SMC5: variants seen among roughly 807,000 people sequenced by gnomAD.
The protein encoded by SMC5 is structural maintenance of chromosomes 5.
A neutral mutation model predicts 148.3 loss-of-function variants in SMC5; 88 were observed. That is an observed-to-expected ratio of 0.59 (90% CI 0.50 to 0.71). The LOEUF (loss-of-function observed/expected upper bound fraction) is 0.71, where lower values mean the gene tolerates loss of function less well. SMC5 is among the 30% of genes least tolerant of loss of function. SMC5 has a pLI of 0.00. For synonymous variants in SMC5, 421 were observed against 432.8 expected, an observed-to-expected ratio of 0.97 and a Z score of 0.34; for missense variants, 1,142 against 1,298.9, an observed-to-expected ratio of 0.88 and a Z score of 1.86.
Position 70,347,691 on chromosome 9 carries a change from G to C in SMC5, c.2743G>C (p.Asp915His), listed in dbSNP as rs562127615. 3.3e-4 allele frequency: 521 copies of C among 1,575,706 alleles called. 4 individuals are homozygous for C. In the South Asian group the frequency reaches 5.9e-3, roughly 18 times the overall value. ...ACTAAAGGGAAAGAAAGTTGAACTA[G>C]ATCAATACAGGGAAAACATTTCACA... ...EELKGKKVEL[D>H]QYRENISQVK... The change falls in exon 21 of 25, where the codon GAT becomes CAT. Residue 915 changes from aspartate to histidine, a missense_variant. Asp to His is a moderately conservative substitution (Grantham distance 81). Coordinates refer to ENST00000361138, the MANE Select transcript of SMC5 (RefSeq NM_015110.4).
intron 8 of SMC5, among the ~76,000 whole-genome samples, chr9:70,289,597 CTTA>C (rs910512062): frequency 3.3e-5 from 5 of 152,044 alleles, no homozygotes; most frequent in East Asian, 3.9e-4. Flanking sequence ...ATGTTTTCTA[CTTA>C]TTATACTTTT....
intron 3 of SMC5, among the ~76,000 whole-genome samples, chr9:70,269,856 G>T (rs953351034): frequency 1.3e-5 from 2 of 152,188 alleles, no homozygotes; most frequent in African/African-American, 4.8e-5. Flanking sequence ...TAGAAACCAG[G>T]AACAGATCGA....
chr9:70,307,623 T>C (rs973703806), intron 11 of SMC5, among the ~76,000 whole-genome samples: 1 of 151,966 alleles, frequency 6.6e-6, no homozygotes, highest in African/African-American at 2.4e-5. Flanking sequence ...CTGCCTCAGC[T>C]TCTCGAGTAG....
At chr9:70,334,633 ATG>A (rs746540507) in intron 17 of SMC5, among the ~76,000 whole-genome samples, 1 of 151,608 alleles carries the variant, frequency 6.6e-6, no homozygotes, top group Non-Finnish European at 1.5e-5. Context: ...GAGTGTGTGT[ATG>A]TGTGTGTGTG....
chr9:70,259,954 T>A (rs1328281346), intron 1 of SMC5, among the ~76,000 whole-genome samples: 1 of 151,780 alleles, frequency 6.6e-6, no homozygotes, highest in Non-Finnish European at 1.5e-5. Context: ...TCCTCTTTTT[T>A]TTTGAGACGG....
intron 3 of SMC5, among the ~76,000 whole-genome samples, chr9:70,268,425 G>A (rs1177233515): frequency 6.6e-6 from 1 of 151,684 alleles, no homozygotes; most frequent in Non-Finnish European, 1.5e-5. Flanking sequence ...CAGCCTGGGA[G>A]ACAGAGCTAG....
In SMC5 at chr9:70,280,792, A is replaced by G. The variant is rs755814439; in HGVS notation, c.712A>G (p.Lys238Glu). Residue 238 changes from lysine (K) to glutamate (E), a missense_variant, in exon 6 of 25, where the codon AAA (lysine) becomes GAA (glutamate). This residue lies in a region of SMC5 where 297 missense variants were observed against 302.6 expected (regional missense o/e 0.98). Transcript: ENST00000361138. ...CAAAGAGAAAACTGAGTATCTACAG[A>G]AAATGGTTCAGAGGAATGAAAGATA... ...SCKEKTEYLQ[K>E]MVQRNERYKQ... 6.2e-7 allele frequency: 1 copy of G among 1,613,350 alleles called. No homozygotes were observed. The highest frequency in any genetic ancestry group is 2.2e-5 in the East Asian group (1 of 44,854).
rs547693751 is a variant in SMC5 at position 70,342,104 on chromosome 9, T to C, written c.2398-2040T>C. On this transcript the variant is annotated intron_variant, in intron 17 of 24. Coordinates refer to ENST00000361138, the MANE Select transcript of SMC5 (RefSeq NM_015110.4). ...GTCCTTTGTAGGGACATGGATGAAA[T>C]TGGAAATCATCATTCTCAGTAATCT... 1.9e-3 allele frequency among the ~76,000 whole-genome samples: 280 copies of C among 151,078 alleles called. 1 individual carries two copies. The highest frequency in any genetic ancestry group is 2.7e-3 in the Non-Finnish European group (185 of 67,762).
rs759547105 is a variant in SMC5 at position 70,346,616 on chromosome 9, C to A, written c.2535C>A (p.Thr845=). The change falls in exon 19 of 25, where the codon ACC becomes ACA. Residue 845 remains threonine, a synonymous_variant. Coordinates refer to ENST00000361138, the MANE Select transcript of SMC5 (RefSeq NM_015110.4). ...LPQEYQTQVP[T]IPNGHNSSLP... ...TTCTACCAATTCAGCAAGTACCCAC[C>A]ATTCCAAATGGACACAACTCCTCAC... is the stretch of plus-strand genomic sequence containing the variant. 1 of 1,614,042 alleles carries A rather than the reference C, an allele frequency of 6.2e-7. No individual in the cohort carries two copies. Among genetic ancestry groups the A allele is most frequent in the Admixed American group, 1.7e-5 (1 of 60,000 alleles).
At position 70,309,917 on chromosome 9, in the gene SMC5, T is replaced by A. The variant is rs551428885; in HGVS notation, c.1578+4557T>A. Among the ~76,000 whole-genome samples the A allele has an allele frequency of 2.0e-5, 3 of 152,302 alleles. No homozygotes were observed. The South Asian group carries it at 6.2e-4, about 32-fold the overall frequency. On this transcript the variant is annotated intron_variant, in intron 11 of 24. Coordinates refer to ENST00000361138, the MANE Select transcript of SMC5 (RefSeq NM_015110.4). ...CAGGCTGGAGTGCAGTGGCACAATC[T>A]TGGCTCACTGCAACCTCCACCTCCT...
chr9:70,352,261 A>T lies in SMC5; in HGVS notation c.3236A>T (p.Glu1079Val). Residue 1079 changes from glutamate to valine, a missense_variant, in exon 25 of 25, where the codon GAA (glutamate) becomes GTA (valine). Physicochemically the swap from Glu to Val is moderately radical, Grantham distance 121. Transcript: ENST00000361138. ...GTCTACAATGGCCCTCATATGCTGG[A>T]ACCAAACACATGGAATTTAAAGGCT... ...LFVYNGPHML[E>V]PNTWNLKAFQ... 1 of 1,613,902 alleles carries T rather than the reference A, an allele frequency of 6.2e-7. No individual in the cohort carries two copies. The highest frequency in any genetic ancestry group is 8.5e-7 in the Non-Finnish European group (1 of 1,179,946).
rs560024693 is a variant in SMC5 at position 70,333,033 on chromosome 9, C to G, written c.2397+8890C>G. 4.6e-5 allele frequency among the ~76,000 whole-genome samples: 7 copies of G among 152,232 alleles called. No individual in the cohort carries two copies. In the South Asian group the frequency reaches 1.5e-3, roughly 32 times the overall value. On this transcript the variant is annotated intron_variant, in intron 17 of 24. Transcript: ENST00000361138. The stretch of plus-strand genomic sequence containing the variant: ...ACTGGGGACGAGGAAAATGCCTACC[C>G]TTACCACTTCTAGTCCACATTGTAC...
At chr9:70,329,527 A>G (rs1175623538) in intron 17 of SMC5, among the ~76,000 whole-genome samples, 1 of 152,120 alleles carries the variant, frequency 6.6e-6, no homozygotes, top group Non-Finnish European at 1.5e-5. Context: ...CGAGTTTCCA[A>G]TAAGTTCCTC....
intron 18 of SMC5, among the ~76,000 whole-genome samples, chr9:70,345,915 AAG>A (rs745751435): frequency 5.9e-5 from 9 of 152,270 alleles, no homozygotes; most frequent in Non-Finnish European, 8.8e-5. Context: ...GATAGCACTG[AAG>A]AGAGAGAGGG....
intron 15 of SMC5, among the ~76,000 whole-genome samples, chr9:70,322,427 C>G (rs1015736321): frequency 2.6e-5 from 4 of 152,200 alleles, no homozygotes; most frequent in Admixed American, 6.5e-5. Flanking sequence ...CTTTGGACTA[C>G]TGCAGTGGTG....
chr9:70,293,963 G>C (rs141365662), intron 8 of SMC5, among the ~76,000 whole-genome samples: 1 of 151,982 alleles, frequency 6.6e-6, no homozygotes, highest in African/African-American at 2.4e-5. Context: ...ATGGTCCTTC[G>C]TGAAAAATTA....
intron 17 of SMC5, among the ~76,000 whole-genome samples, chr9:70,328,459 C>T (rs1587699479): frequency 2.0e-5 from 3 of 152,188 alleles, no homozygotes; most frequent in African/African-American, 7.2e-5. Context: ...GTCTGCAACC[C>T]TGCAGGGCAA....
intron 2 of SMC5, among the ~76,000 whole-genome samples, chr9:70,265,636 T>C (rs1419123843): frequency 1.3e-5 from 2 of 151,886 alleles, no homozygotes; most frequent in Admixed American, 6.6e-5. Context: ...ATATCTAAAA[T>C]AAAGTGCTAC....
rs764226528 is a variant in SMC5, at chr9:70,259,120, G to T, written c.42G>T (p.Gln14His). The T allele has an allele frequency of 6.2e-7, 1 of 1,612,036 alleles. No homozygotes were observed. Among genetic ancestry groups the T allele is most frequent in the Admixed American group, 1.7e-5 (1 of 59,730 alleles). The change falls in exon 1 of 25, where the codon CAG becomes CAT. Residue 14 changes from glutamine (Q) to histidine (H), a missense_variant. By Grantham distance (24) the Gln-to-His change is conservative (BLOSUM62 0). This residue lies in a region of SMC5 where 297 missense variants were observed against 302.6 expected (regional missense o/e 0.98). Transcript: ENST00000361138. ...AGAAGACGTCAACTCCAAGCCCCCAGCCTTCCAAGAGAGCTCTCCCGAGAG... is the reference window on the plus strand; with the variant it reads ...AGAAGACGTCAACTCCAAGCCCCCATCCTTCCAAGAGAGCTCTCCCGAGAG... ...PSKKTSTPSP[Q>H]PSKRALPRDP...
Sources: gnomAD v4.1 joint callset for allele counts (sites outside exome capture counted in the v4.1 genomes callset) on GRCh38, gnomAD v4.1.1 for gene constraint, gnomAD v4.1.1 regional missense constraint, MANE v1.5 for transcripts, NCBI Gene and HGNC (gene_info 2026-07-23, HGNC 2026-07-21) for gene names.